SNTG1: variants seen among roughly 807,000 people sequenced by gnomAD.
SNTG1 encodes the protein syntrophin gamma 1.
In SNTG1, 39 loss-of-function variants were observed where a neutral mutation model predicts 74.7. The observed-to-expected ratio is 0.52, with a 90% CI of 0.40 to 0.68. The LOEUF is 0.68. Ranked by LOEUF, SNTG1 falls within the 30% of genes least tolerant of loss-of-function variation. The pLI is 0.00. For missense variants in SNTG1, 685 were observed against 609.5 expected, an observed-to-expected ratio of 1.12 and a Z score of -1.30; for synonymous variants, 254 against 217.1, an observed-to-expected ratio of 1.17 and a Z score of -1.49.
intron 2 of SNTG1, among the ~76,000 whole-genome samples, chr8:50,223,322 A>G (rs898426498): frequency 2.6e-5 from 4 of 152,156 alleles, no homozygotes; most frequent in African/African-American, 9.7e-5. Context: ...CAAGCAGAAT[A>G]GCTTAGTATG....
intron 14 of SNTG1, among the ~76,000 whole-genome samples, chr8:50,657,957 A>G (rs1335130344): frequency 6.6e-6 from 1 of 152,144 alleles, no homozygotes; most frequent in Non-Finnish European, 1.5e-5. Context: ...CATAAGATTT[A>G]GAAATCATCA....
chr8:50,147,439 C>T (rs554273076), intron 1 of SNTG1, among the ~76,000 whole-genome samples: 1 of 152,214 alleles, frequency 6.6e-6, no homozygotes, highest in South Asian at 2.1e-4. Context: ...ATCACTGTAC[C>T]TTATTTGGAA....
At chr8:50,572,862 T>C (rs1001617922) in intron 12 of SNTG1, among the ~76,000 whole-genome samples, 1 of 152,102 alleles carries the variant, frequency 6.6e-6, no homozygotes, top group Non-Finnish European at 1.5e-5. Context: ...TCTAAAAAAT[T>C]GGAGGAATGT....
At chr8:50,684,522 T>C (rs2095343937) in intron 15 of SNTG1, among the ~76,000 whole-genome samples, 1 of 152,072 alleles carries the variant, frequency 6.6e-6, no homozygotes, top group African/African-American at 2.4e-5. Context: ...AAATTCTGTC[T>C]GATGTCAATC....
chr8:50,773,354 G>A (rs2095632148), intron 18 of SNTG1, among the ~76,000 whole-genome samples: 1 of 152,062 alleles, frequency 6.6e-6, no homozygotes, highest in Non-Finnish European at 1.5e-5. Flanking sequence ...CACATGATGA[G>A]AAAAGATGCC....
rs144233101 is a variant in SNTG1, at chr8:50,734,715, T to C, written c.1285-17286T>C. On this transcript the variant is annotated intron_variant, in intron 17 of 18. Transcript: ENST00000642720. ...GGACATATATATATCTCTCTATATA[T>C]GGACATTATATATCTATATATATGG... Among the ~76,000 whole-genome samples, 206 of 145,242 alleles carry C rather than the reference T, an allele frequency of 1.4e-3. 2 individuals are homozygous for C. The highest frequency in any genetic ancestry group is 5.0e-3 in the African/African-American group (200 of 39,822).
chr8:50,500,265 G>A (rs1252401072), intron 8 of SNTG1, among the ~76,000 whole-genome samples: 2 of 149,026 alleles, frequency 1.3e-5, no homozygotes, highest in African/African-American at 4.9e-5. Flanking sequence ...CTATTGTTCA[G>A]ATAGGGTGAA....
chr8:50,273,167 T>C (rs2087883023), intron 2 of SNTG1, among the ~76,000 whole-genome samples: 1 of 152,242 alleles, frequency 6.6e-6, no homozygotes, highest in African/African-American at 2.4e-5. Context: ...AGAACAGTTT[T>C]AAGATATTTT....
At chr8:50,636,797 G>C (rs2095042027) in intron 13 of SNTG1, among the ~76,000 whole-genome samples, 1 of 152,012 alleles carries the variant, frequency 6.6e-6, no homozygotes, top group East Asian at 1.9e-4. Flanking sequence ...ATTAAATTTG[G>C]TGTTCCTGTG....
chr8:50,608,598 AT>A (rs557525419), intron 13 of SNTG1, among the ~76,000 whole-genome samples: 284 of 151,978 alleles, frequency 1.9e-3, no homozygotes, highest in Non-Finnish European at 3.1e-3. Context: ...GGTAAATCAA[AT>A]GCACATTTGT....
At chr8:50,665,054 T>C (rs1586007258) in intron 15 of SNTG1, among the ~76,000 whole-genome samples, 1 of 152,192 alleles carries the variant, frequency 6.6e-6, no homozygotes. Context: ...TTCATGATAC[T>C]GTTTTTCAGC....
chr8:50,036,701 T>A (rs1447440096), intron 1 of SNTG1, among the ~76,000 whole-genome samples: 1 of 152,188 alleles, frequency 6.6e-6, no homozygotes, highest in Non-Finnish European at 1.5e-5. Context: ...TTATTATGTA[T>A]AAATGTATAT....
intron 1 of SNTG1, among the ~76,000 whole-genome samples, chr8:50,146,067 A>T (rs2081853499): frequency 6.6e-6 from 1 of 152,102 alleles, no homozygotes; most frequent in Non-Finnish European, 1.5e-5. Context: ...TTGGAAAGAA[A>T]ATTAGAAAAA....
intron 9 of SNTG1, among the ~76,000 whole-genome samples, chr8:50,503,708 A>T (rs1332353943): frequency 2.7e-4 from 41 of 151,998 alleles, no homozygotes. Context: ...TAGTTTGTTC[A>T]TTTATATTGC....
intron 2 of SNTG1, among the ~76,000 whole-genome samples, chr8:50,381,514 A>T (rs1246046059): frequency 6.8e-6 from 1 of 148,094 alleles, no homozygotes; most frequent in Non-Finnish European, 1.5e-5. Flanking sequence ...TAGTTAACCT[A>T]TTGTATTAGT....
chr8:50,464,444 C>G (rs1415039161), intron 8 of SNTG1, among the ~76,000 whole-genome samples: 2 of 151,988 alleles, frequency 1.3e-5, no homozygotes, highest in African/African-American at 2.4e-5. Context: ...ATTACTTGGC[C>G]TAATTTCAAT....
intron 2 of SNTG1, among the ~76,000 whole-genome samples, chr8:50,311,352 T>C (rs1331823819): frequency 6.6e-6 from 1 of 152,186 alleles, no homozygotes; most frequent in African/African-American, 2.4e-5. Context: ...GACAGCAATA[T>C]GTGTGCTGAT....
At chr8:50,434,519 G>T (rs560693194) in intron 4 of SNTG1, among the ~76,000 whole-genome samples, 169 of 152,166 alleles carry the variant, frequency 1.1e-3, no homozygotes, top group Admixed American at 4.0e-3. Context: ...TGTAAAAGTG[G>T]TCCTATTTCT....
chr8:50,778,479 T>C (rs1299204462), intron 18 of SNTG1, among the ~76,000 whole-genome samples: 1 of 151,882 alleles, frequency 6.6e-6, no homozygotes, highest in Non-Finnish European at 1.5e-5. Flanking sequence ...TTTCATGTGT[T>C]TTTTGGCTGC....
Sources: gnomAD v4.1 joint callset for allele counts (sites outside exome capture counted in the v4.1 genomes callset) on GRCh38, gnomAD v4.1.1 for gene constraint, MANE v1.5 for transcripts, NCBI Gene and HGNC (gene_info 2026-07-23, HGNC 2026-07-21) for gene names.